Variants in NEB observed in about 807,000 individuals in gnomAD.
NEB encodes nebulin.
NEB carries 512 observed loss-of-function variants against 952.2 expected under a neutral mutation model. That is an observed-to-expected ratio of 0.54 (90% CI 0.50 to 0.58). The LOEUF is 0.58. NEB is among the 20% of genes least tolerant of loss of function. The pLI is 0.00. For missense variants in NEB, 8,428 were observed against 9,231.1 expected, an observed-to-expected ratio of 0.91 and a Z score of 3.56; for synonymous variants, 2,900 against 3,149.8, an observed-to-expected ratio of 0.92 and a Z score of 2.66.
chr2:151,640,704 C>T (rs371928978), intron 60 of NEB, 38 bp from the exon 61 acceptor site: 1,128 of 1,568,668 alleles, frequency 7.2e-4, no homozygotes, highest in Non-Finnish European at 9.5e-4. Context: ...TCTGTTTTAA[C>T]TTTTAGTAAA....
At chr2:151,534,834 C>T (rs538360152) in intron 142 of NEB, among the ~76,000 whole-genome samples, 1 of 152,252 alleles carries the variant, frequency 6.6e-6, no homozygotes, top group East Asian at 1.9e-4. Flanking sequence ...AAGCTACTGG[C>T]AGTAATTCTT....
intron 135 of NEB, 41 bp from the exon 136 acceptor site, chr2:151,541,592 G>T: frequency 6.6e-7 from 1 of 1,514,680 alleles, no homozygotes; most frequent in Non-Finnish European, 9.2e-7. Flanking sequence ...TCTGTTTCAT[G>T]GGCATGTTAT....
chr2:151,643,940 C>T lies in NEB; in HGVS notation c.7834G>A (p.Ala2612Thr), dbSNP rs779023599. The change falls in exon 57 of 182, where the codon GCC becomes ACC. Residue 2612 changes from alanine (A) to threonine (T), a missense_variant. This residue lies in a region of NEB where 1,772 missense variants were observed against 1,960.3 expected (regional missense o/e 0.90). Transcript: ENST00000397345. ...CTGACTAAGGTCTGGCACTTCTTGG[C>T]CAACACCACCCCCAGCATGTCCACT... ...SPVDMLGVVLAKKCQTLVSDV... is the reference protein window; with the variant it reads ...SPVDMLGVVLTKKCQTLVSDV... 8 of 1,613,796 alleles carry T rather than the reference C, an allele frequency of 5.0e-6. No homozygotes were observed. Among genetic ancestry groups the T allele is most frequent in the South Asian group, 4.4e-5 (4 of 91,074 alleles).
intron 114 of NEB, 83 bp from the exon 115 acceptor site, chr2:151,565,903 A>G (rs1483054739): frequency 2.4e-6 from 2 of 847,958 alleles, no homozygotes; most frequent in African/African-American, 3.4e-5. Context: ...TTTTTTCAGA[A>G]GCTTTTAAAG....
intron 58 of NEB, 35 bp from the exon 59 acceptor site, chr2:151,642,904 C>G (rs2098899172): frequency 1.3e-6 from 2 of 1,494,274 alleles, no homozygotes; most frequent in South Asian, 2.4e-5. Context: ...TGGTATAGGC[C>G]AGTAATAAAT....
intron 24 of NEB, among the ~76,000 whole-genome samples, chr2:151,688,611 C>A (rs1375965989): frequency 6.6e-6 from 1 of 152,132 alleles, no homozygotes; most frequent in Non-Finnish European, 1.5e-5. Context: ...TTTTCAAGAC[C>A]CCCAGTAGCT....
At chr2:151,572,553 CTT>C (rs1206979435) in intron 107 of NEB, among the ~76,000 whole-genome samples, 2 of 133,392 alleles carry the variant, frequency 1.5e-5, no homozygotes, top group East Asian at 2.2e-4. Flanking sequence ...TATATATATA[CTT>C]TTTTTTTTTT....
Position 151,655,273 on chromosome 2 carries a change from A to G in NEB, c.6804T>C (p.Ser2268=). Residue 2268 remains serine (S), a synonymous_variant, in exon 51 of 182, where the codon AGT becomes AGC. Coordinates refer to ENST00000397345, the MANE Select transcript of NEB (RefSeq NM_001164508.2). The part of the protein sequence containing the change: ...LQAKQNQTLY[S]QKLYKLGWEE... ...ATTAATTTTTATATAAATTTACCTG[A>G]CTATACAGTGTTTGATTCTGCTTGG... is the stretch of plus-strand genomic sequence containing the variant. The G allele has an allele frequency of 6.5e-7, 1 of 1,536,806 alleles. No individual in the cohort carries two copies. Among genetic ancestry groups the G allele is most frequent in the Non-Finnish European group, 9.0e-7 (1 of 1,116,320 alleles).
intron 48 of NEB, among the ~76,000 whole-genome samples, chr2:151,657,259 G>C (rs954439981): frequency 2.0e-5 from 3 of 152,090 alleles, no homozygotes; most frequent in Non-Finnish European, 4.4e-5. Flanking sequence ...AATAGAGATG[G>C]GAGAGAAAGT....
intron 32 of NEB, 61 bp downstream of exon 32, chr2:151,679,660 G>GTCCCCC: frequency 4.4e-6 from 3 of 682,638 alleles, no homozygotes; most frequent in Non-Finnish European, 8.2e-6. Flanking sequence ...GTCATCGTCA[G>GTCCCCC]ACCCCAAGCC....
chr2:151,623,776 C>G (rs2098463302), intron 71 of NEB, among the ~76,000 whole-genome samples: 1 of 151,976 alleles, frequency 6.6e-6, no homozygotes, highest in Non-Finnish European at 1.5e-5. Flanking sequence ...AGGTCAAATA[C>G]TTTATTTATT....
At chr2:151,509,178 CCA>C in intron 161 of NEB, among the ~76,000 whole-genome samples, 1 of 152,094 alleles carries the variant, frequency 6.6e-6, no homozygotes, top group Non-Finnish European at 1.5e-5. Flanking sequence ...GCAGTTTCAG[CCA>C]ATGAGAGATG....
rs759825205 is a variant in NEB at position 151,633,772 on chromosome 2, T to C, written c.9296A>G (p.Lys3099Arg). The change falls in exon 65 of 182, where the codon AAG (lysine) becomes AGG (arginine). Residue 3099 changes from lysine to arginine, a missense_variant. Physicochemically the swap from Lys to Arg is conservative, Grantham distance 26 (BLOSUM62 2). This residue lies in a region of NEB where 1,772 missense variants were observed against 1,960.3 expected (regional missense o/e 0.90). Coordinates refer to ENST00000397345, the MANE Select transcript of NEB (RefSeq NM_001164508.2). Reference sequence around the variant, plus strand: ...GTCACTGACTAAGGTCTGGCACTTCTTGGCCAGCACCACCCCCAGCATGTC... The same window carrying C: ...GTCACTGACTAAGGTCTGGCACTTCCTGGCCAGCACCACCCCCAGCATGTC... Reference protein sequence around the residue: ...PVDMLGVVLAKKCQTLVSDVD... With the variant: ...PVDMLGVVLARKCQTLVSDVD... 54 of 1,613,822 alleles carry C rather than the reference T, an allele frequency of 3.3e-5. No homozygotes were observed. Among genetic ancestry groups the C allele is most frequent in the Non-Finnish European group, 4.4e-5 (52 of 1,179,862 alleles).
chr2:151,672,397 G>A lies in NEB; in HGVS notation c.4271C>T (p.Thr1424Met), dbSNP rs372694084. ...YLPDAMSLEH[T>M]RNVNQIQSDN... ...ACTCTGAATTTGATTGACATTCCTC[G>A]TATGCTCAAGACTCATGGCGTCAGG... Residue 1424 changes from threonine to methionine, a missense_variant, in exon 37 of 182, where the codon ACG becomes ATG. By Grantham distance (81) the Thr-to-Met change is moderately conservative. This residue lies in a region of NEB where 2,851 missense variants were observed against 2,791.5 expected (regional missense o/e 1.02). Transcript: ENST00000397345. 3.0e-5 allele frequency: 48 copies of A among 1,605,310 alleles called. No homozygotes were observed. The highest frequency in any genetic ancestry group is 3.6e-5 in the Non-Finnish European group (42 of 1,173,408).
intron 64 of NEB, among the ~76,000 whole-genome samples, chr2:151,635,973 G>T (rs1457157960): frequency 6.6e-6 from 1 of 152,076 alleles, no homozygotes; most frequent in African/African-American, 2.4e-5. Context: ...ACTCTAACAG[G>T]GTCCACATGA....
chr2:151,515,513 T>G (rs1444303551), intron 157 of NEB, among the ~76,000 whole-genome samples: 1 of 152,076 alleles, frequency 6.6e-6, no homozygotes. Flanking sequence ...ACACTGAGTT[T>G]TGACCTGTTT....
chr2:151,689,793 G>C (rs188503474), intron 24 of NEB: 1 of 152,286 alleles, frequency 6.6e-6, no homozygotes, highest in Admixed American at 6.5e-5. Context: ...GTGTTTAGCT[G>C]TTCTTTATTG....
At chr2:151,727,331 CT>C (rs1314704736) in intron 5 of NEB, among the ~76,000 whole-genome samples, 1 of 152,144 alleles carries the variant, frequency 6.6e-6, no homozygotes. Context: ...AGCTATTCTG[CT>C]GACATTGTTT....
Position 151,627,651 on chromosome 2 carries a change from C to G in NEB, c.10015G>C (p.Val3339Leu). The G allele has an allele frequency of 1.2e-6, 2 of 1,613,972 alleles. No homozygotes were observed. The highest frequency in any genetic ancestry group is 1.7e-6 in the Non-Finnish European group (2 of 1,179,882). The change falls in exon 69 of 182, where the codon GTG becomes CTG. Residue 3339 changes from valine to leucine, a missense_variant. By Grantham distance (32) the Val-to-Leu change is conservative (BLOSUM62 1). This residue lies in a region of NEB where 1,772 missense variants were observed against 1,960.3 expected (regional missense o/e 0.90). Transcript: ENST00000397345. ...AAGGTCTGGCACTTCTTGGCTAACA[C>G]CACTCCCAGCATGTCCACTGGGCTG... ...FSSPVDMLGV[V>L]LAKKCQTLVS...
Sources: allele counts gnomAD v4.1 joint callset (sites outside exome capture counted in the v4.1 genomes callset), GRCh38; gene constraint gnomAD v4.1.1; regional missense constraint gnomAD v4.1.1; transcripts MANE v1.5; gene names NCBI Gene and HGNC (gene_info 2026-07-23, HGNC 2026-07-21).